PCDH9: variants seen among roughly 807,000 people sequenced by gnomAD.
PCDH9 encodes protocadherin-9.
A neutral mutation model predicts 70.6 loss-of-function variants in PCDH9; 24 were observed. The observed-to-expected ratio is 0.34, with a 90% CI of 0.25 to 0.48. The LOEUF (loss-of-function observed/expected upper bound fraction) is 0.48. Ranked by LOEUF, PCDH9 falls within the 20% of genes least tolerant of loss-of-function variation. The pLI is 0.99. For missense variants in PCDH9, 1,281 were observed against 1,503.6 expected (o/e 0.85, Z 2.45); for synonymous variants, 562 against 558.5 (o/e 1.01, Z -0.09).
intron 4 of PCDH9, among the ~76,000 whole-genome samples, chr13:66,468,710 C>T (rs1316651044): frequency 6.6e-6 from 1 of 152,088 alleles, no homozygotes. Flanking sequence ...TTGTGCACCT[C>T]AAATTTATAC....
intron 3 of PCDH9, among the ~76,000 whole-genome samples, chr13:66,726,162 A>C (rs578155986): frequency 1.3e-5 from 2 of 152,302 alleles, no homozygotes; most frequent in East Asian, 3.9e-4. Context: ...GGAGACATAC[A>C]CATTCCTACA....
At chr13:67,148,965 T>A (rs2087591502) in intron 2 of PCDH9, among the ~76,000 whole-genome samples, 2 of 152,168 alleles carry the variant, frequency 1.3e-5, no homozygotes, top group African/African-American at 4.8e-5. Flanking sequence ...ATGAACAAAC[T>A]TTTACTGCAA....
intron 4 of PCDH9, among the ~76,000 whole-genome samples, chr13:66,404,182 T>C (rs975747003): frequency 5.3e-5 from 8 of 152,182 alleles, no homozygotes; most frequent in Non-Finnish European, 1.2e-4. Context: ...TAGACATAAA[T>C]AGAGGCACTG....
chr13:66,670,086 C>T (rs1270664672), intron 3 of PCDH9, among the ~76,000 whole-genome samples: 3 of 152,166 alleles, frequency 2.0e-5, no homozygotes, highest in African/African-American at 4.8e-5. Flanking sequence ...TCCTCTATTC[C>T]GTGTTATTTT....
At chr13:66,944,183 G>C (rs959471421) in intron 2 of PCDH9, among the ~76,000 whole-genome samples, 7 of 151,888 alleles carry the variant, frequency 4.6e-5, no homozygotes, top group Non-Finnish European at 1.0e-4. Flanking sequence ...TTTAACAACT[G>C]ACCTACTTTA....
chr13:66,789,179 T>C (rs1376816815), intron 3 of PCDH9, among the ~76,000 whole-genome samples: 1 of 152,168 alleles, frequency 6.6e-6, no homozygotes, highest in Non-Finnish European at 1.5e-5. Context: ...CTCTATGGAT[T>C]ATGGGTAATT....
At chr13:67,031,492 G>A (rs556893193) in intron 2 of PCDH9, among the ~76,000 whole-genome samples, 2 of 152,158 alleles carry the variant, frequency 1.3e-5, no homozygotes, top group Admixed American at 6.5e-5. Context: ...GTCACTTGAG[G>A]TCTGGAGTGG....
In PCDH9 at chr13:67,226,041, T is replaced by C. The variant is rs1235319152; in HGVS notation, c.2400A>G (p.Ile800Met). Residue 800 changes from isoleucine (I) to methionine (M), a missense_variant, in exon 2 of 5, where the codon ATA (isoleucine) becomes ATG (methionine). Ile to Met is a conservative substitution (Grantham distance 10, BLOSUM62 1). Around this residue, in one of 4 missense-constraint regions of PCDH9, gnomAD observed 798 missense variants for 1,003.1 expected, o/e 0.80. Coordinates refer to ENST00000377865, the MANE Select transcript of PCDH9 (RefSeq NM_203487.3). The surrounding 1 kb of genome is among the most constrained non-coding windows in gnomAD (Gnocchi z 5.0). ...RTMETPLDRN[I>M]GDSSQPYQNE... is the part of the protein sequence containing the mutation. ...TTTGATAGGGTTGGCTACTATCCCC[T>C]ATGTTCCTGTCCAACGGGGTCTCCA... 1.2e-6 allele frequency: 2 copies of C among 1,613,970 alleles called. No homozygotes were observed. The highest frequency in any genetic ancestry group is 3.3e-5 in the Admixed American group (2 of 60,002).
chr13:66,988,182 A>G (rs765290282), intron 2 of PCDH9, among the ~76,000 whole-genome samples: 1 of 151,994 alleles, frequency 6.6e-6, no homozygotes, highest in African/African-American at 2.4e-5. Context: ...ACCCAAGTAA[A>G]GTCTTTACTT....
intron 3 of PCDH9, among the ~76,000 whole-genome samples, chr13:66,693,059 C>G (rs2078510686): frequency 6.6e-6 from 1 of 152,062 alleles, no homozygotes; most frequent in African/African-American, 2.4e-5. Context: ...GGAGAAGATT[C>G]ATGGTAGTAT....
At chr13:66,704,172 T>G (rs952144564) in intron 3 of PCDH9, among the ~76,000 whole-genome samples, 3 of 152,206 alleles carry the variant, frequency 2.0e-5, no homozygotes, top group African/African-American at 7.2e-5. Context: ...ACATTGTGAA[T>G]AGATACGTAA....
chr13:66,551,284 C>T (rs557832356), intron 4 of PCDH9, among the ~76,000 whole-genome samples: 6 of 151,982 alleles, frequency 3.9e-5, no homozygotes, highest in East Asian at 1.9e-4. Context: ...TTTATAGGGA[C>T]GGACTTGAAG....
intron 3 of PCDH9, among the ~76,000 whole-genome samples, chr13:66,806,430 A>G (rs530499175): frequency 6.6e-6 from 1 of 152,280 alleles, no homozygotes; most frequent in East Asian, 1.9e-4. Context: ...CATGTGAAAT[A>G]GACTATTGGT....
intron 4 of PCDH9, among the ~76,000 whole-genome samples, chr13:66,599,447 T>C: frequency 6.6e-6 from 1 of 151,922 alleles, no homozygotes; most frequent in Non-Finnish European, 1.5e-5. Flanking sequence ...CCTGAAATGT[T>C]AATGTTTAGT....
chr13:67,190,605 G>C (rs2088884462), intron 2 of PCDH9, among the ~76,000 whole-genome samples: 1 of 152,000 alleles, frequency 6.6e-6, no homozygotes, highest in Admixed American at 6.6e-5. Flanking sequence ...TGGGTGGTCA[G>C]AATCCAGTAA....
At chr13:66,583,102 C>CTT (rs375846984) in intron 4 of PCDH9, among the ~76,000 whole-genome samples, 2,137 of 125,484 alleles carry the variant, frequency 0.017, 28 homozygotes, top group Non-Finnish European at 0.024. Context: ...TATGTGCATG[C>CTT]TTTTTTTTTT....
chr13:66,412,534 C>A (rs372213604), intron 4 of PCDH9, among the ~76,000 whole-genome samples: 104 of 152,252 alleles, frequency 6.8e-4, no homozygotes, highest in African/African-American at 2.3e-3. Flanking sequence ...AGTATATTTG[C>A]AGCCACTTTT....
intron 4 of PCDH9, among the ~76,000 whole-genome samples, chr13:66,542,721 T>C (rs1021708155): frequency 6.8e-6 from 1 of 147,310 alleles, no homozygotes; most frequent in Non-Finnish European, 1.5e-5. Flanking sequence ...CATATATATG[T>C]TTAAATATAT....
At chr13:66,766,970 A>C (rs2079727789) in intron 3 of PCDH9, among the ~76,000 whole-genome samples, 1 of 152,076 alleles carries the variant, frequency 6.6e-6, no homozygotes, top group Admixed American at 6.6e-5. Context: ...TTCTACATTC[A>C]AAAGAAGTGC....
Sources: gnomAD v4.1 joint callset for allele counts (sites outside exome capture counted in the v4.1 genomes callset) on GRCh38, gnomAD v4.1.1 for gene constraint, gnomAD v4.1.1 regional missense constraint, Gnocchi (gnomAD v3.1) non-coding constraint, MANE v1.5 for transcripts, NCBI Gene and HGNC (gene_info 2026-07-23, HGNC 2026-07-21) for gene names.